The following GRIK1 variants were observed in gnomAD, a reference collection of about 807,000 sequenced individuals.
GRIK1 encodes the protein glutamate ionotropic receptor kainate type subunit 1.
A neutral mutation model predicts 105.7 loss-of-function variants in GRIK1; 69 were observed. That is an observed-to-expected ratio of 0.65 (90% CI 0.54 to 0.80). The LOEUF is 0.80. Among genes scored for constraint, GRIK1 ranks in the 30% least tolerant of loss-of-function variants. The pLI is 0.00. For synonymous variants in GRIK1, 438 were observed against 431.3 expected, an observed-to-expected ratio of 1.02 and a Z score of -0.19; for missense variants, 1,109 against 1,167.3, an observed-to-expected ratio of 0.95 and a Z score of 0.73.
intron 1 of GRIK1, among the ~76,000 whole-genome samples, chr21:29,936,410 T>A (rs528995023): frequency 6.6e-6 from 1 of 152,346 alleles, no homozygotes; most frequent in East Asian, 1.9e-4. Context: ...TAGTTATAAG[T>A]CAGCCACCCA....
intron 1 of GRIK1, among the ~76,000 whole-genome samples, chr21:29,829,940 G>A (rs1320206240): frequency 6.6e-6 from 1 of 151,932 alleles, no homozygotes; most frequent in Non-Finnish European, 1.5e-5. Context: ...CAAGAGATGT[G>A]CTGGAAGAAA....
At chr21:29,769,698 C>T (rs2065766304) in intron 1 of GRIK1, among the ~76,000 whole-genome samples, 1 of 152,044 alleles carries the variant, frequency 6.6e-6, no homozygotes, top group Non-Finnish European at 1.5e-5. Flanking sequence ...GGTCTATGCC[C>T]CTGTGGGACT....
chr21:29,613,290 T>A (rs1368068060), intron 7 of GRIK1, among the ~76,000 whole-genome samples: 1 of 152,218 alleles, frequency 6.6e-6, no homozygotes, highest in Non-Finnish European at 1.5e-5. Context: ...ATGCTGCTTG[T>A]CAGTGAAAAA....
intron 1 of GRIK1, among the ~76,000 whole-genome samples, chr21:29,838,106 C>T (rs1214722352): frequency 6.6e-6 from 1 of 152,070 alleles, no homozygotes; most frequent in East Asian, 1.9e-4. Flanking sequence ...AATTAATAAG[C>T]AGGTTTGCAA....
chr21:29,890,925 T>G (rs1013862374), intron 1 of GRIK1, among the ~76,000 whole-genome samples: 1 of 152,162 alleles, frequency 6.6e-6, no homozygotes, highest in African/African-American at 2.4e-5. Context: ...CTGTTTTTTG[T>G]ATGTGTCATA....
At chr21:29,848,779 A>ATATATATATTTTTT in intron 1 of GRIK1, among the ~76,000 whole-genome samples, 16 of 77,880 alleles carry the variant, frequency 2.1e-4, no homozygotes, top group Non-Finnish European at 2.9e-4. Context: ...ATATATATAT[A>ATATATATATTTTTT]TTTTTTTTTT....
At chr21:29,806,880 T>A (rs753630243) in intron 1 of GRIK1, among the ~76,000 whole-genome samples, 3 of 152,168 alleles carry the variant, frequency 2.0e-5, no homozygotes, top group Non-Finnish European at 4.4e-5. Context: ...TCCATAAAGG[T>A]TTTTAGAAGT....
chr21:29,709,134 CATA>C (rs2063983488), intron 1 of GRIK1, among the ~76,000 whole-genome samples: 1 of 152,068 alleles, frequency 6.6e-6, no homozygotes. Flanking sequence ...ACCTTTGTGA[CATA>C]ATAATTGTCA....
At chr21:29,856,619 G>C (rs2068472836) in intron 1 of GRIK1, among the ~76,000 whole-genome samples, 1 of 152,156 alleles carries the variant, frequency 6.6e-6, no homozygotes, top group African/African-American at 2.4e-5. Flanking sequence ...CGATGATATA[G>C]AAGGAGAAAA....
At chr21:29,593,123 T>C (rs368490162) in intron 9 of GRIK1, among the ~76,000 whole-genome samples, 12 of 152,342 alleles carry the variant, frequency 7.9e-5, no homozygotes, top group African/African-American at 2.6e-4. Flanking sequence ...CACATCAGTG[T>C]GAACTATTTT....
chr21:29,589,156 C>A, intron 10 of GRIK1, 114 bp from the exon 11 acceptor site: 8 of 652,208 alleles, frequency 1.2e-5, no homozygotes, highest in Non-Finnish European at 1.4e-5. Context: ...GCTGAGAGTA[C>A]TGAAGTCATT....
chr21:29,924,138 G>T (rs1157681592), intron 1 of GRIK1, among the ~76,000 whole-genome samples: 1 of 152,144 alleles, frequency 6.6e-6, no homozygotes, highest in Non-Finnish European at 1.5e-5. Context: ...AGGAGTTCAA[G>T]ACCAGCCTGG....
At chr21:29,836,841 C>T (rs1174310630) in intron 1 of GRIK1, among the ~76,000 whole-genome samples, 2 of 152,102 alleles carry the variant, frequency 1.3e-5, no homozygotes, top group Non-Finnish European at 1.5e-5. Context: ...TTTCAAAATT[C>T]TCTTCTATTA....
chr21:29,691,190 C>T (rs1046625264), intron 2 of GRIK1, among the ~76,000 whole-genome samples: 2 of 152,022 alleles, frequency 1.3e-5, no homozygotes, highest in African/African-American at 4.8e-5. Flanking sequence ...GTGCACCTGT[C>T]GTCCCAACTA....
In GRIK1 at chr21:29,848,437, A is replaced by G. The variant is rs181857201; in HGVS notation, c.118+90946T>C. 1.2e-3 allele frequency among the ~76,000 whole-genome samples: 187 copies of G among 152,220 alleles called. 2 individuals carry two copies. Among genetic ancestry groups the G allele is most frequent in the African/African-American group, 4.4e-3 (181 of 41,520 alleles). On this transcript the variant is annotated intron_variant, in intron 1 of 17. Coordinates refer to ENST00000327783, the MANE Select transcript of GRIK1 (RefSeq NM_001330994.2). ...ACAATTCAATTGCCTAGTGCAATTG[A>G]ATCCTCCACTCACACCTTGATGCTT... is the stretch of plus-strand genomic sequence containing the variant.
intron 6 of GRIK1, among the ~76,000 whole-genome samples, chr21:29,647,398 A>G (rs1482148185): frequency 6.6e-6 from 1 of 152,188 alleles, no homozygotes; most frequent in East Asian, 1.9e-4. Context: ...TGCTTTCTGT[A>G]CTGAATCCAG....
At chr21:29,619,196 T>C (rs1250958312) in intron 7 of GRIK1, among the ~76,000 whole-genome samples, 4 of 150,990 alleles carry the variant, frequency 2.6e-5, no homozygotes, top group African/African-American at 9.8e-5. Context: ...CCCAGCACTT[T>C]GGGAGGCCAA....
Position 29,706,250 on chromosome 21 carries a change from T to G in GRIK1, c.119-12187A>C, listed in dbSNP as rs1057061743. Among the ~76,000 whole-genome samples the G allele has an allele frequency of 2.0e-5, 3 of 152,224 alleles. 1 individual carries two copies. The highest frequency in any genetic ancestry group is 1.3e-4 in the Admixed American group (2 of 15,284). ...ATATTTCTGTTTCAGCATTTGAAAA[T>G]TTAAAAAATCCATCCTTTTAATAAC... On this transcript the variant is annotated intron_variant, in intron 1 of 17. Transcript: ENST00000327783.
At chr21:29,825,254 A>G (rs570937290) in intron 1 of GRIK1, among the ~76,000 whole-genome samples, 1 of 152,192 alleles carries the variant, frequency 6.6e-6, no homozygotes, top group East Asian at 1.9e-4. Flanking sequence ...TTTAAAAAGC[A>G]GGATGGGGGA....
Sources: allele counts gnomAD v4.1 joint callset (sites outside exome capture counted in the v4.1 genomes callset), GRCh38; gene constraint gnomAD v4.1.1; transcripts MANE v1.5; gene names NCBI Gene and HGNC (gene_info 2026-07-23, HGNC 2026-07-21).